Variants in KCNAB1 observed in about 807,000 individuals in gnomAD.
KCNAB1 encodes the protein potassium voltage-gated channel subfamily A regulatory beta subunit 1.
Under a neutral mutation model 64.6 loss-of-function variants are expected in KCNAB1, and 35 were observed. The observed-to-expected ratio is 0.54, with a 90% CI of 0.41 to 0.72. KCNAB1 has a LOEUF of 0.72. Among genes scored for constraint, KCNAB1 ranks in the 30% least tolerant of loss-of-function variants. KCNAB1 has a pLI of 0.00. For synonymous variants in KCNAB1, 177 were observed against 183.8 expected (o/e 0.96, Z 0.30); for missense variants, 401 against 512.9 (o/e 0.78, Z 2.11).
At chr3:156,246,634 C>CAA (rs11293726) in intron 1 of KCNAB1, among the ~76,000 whole-genome samples, 38 of 125,968 alleles carry the variant, frequency 3.0e-4, no homozygotes, top group Non-Finnish European at 4.4e-4. Context: ...AAAAAAGCAG[C>CAA]AAAAAAAAAA....
chr3:156,527,543 CTCTT>C lies in KCNAB1; in HGVS notation c.1081+3600_1081+3603del, dbSNP rs1462107220. Among the ~76,000 whole-genome samples the C allele has an allele frequency of 4.6e-5, 7 of 152,150 alleles. No homozygotes were observed. In the East Asian group the frequency reaches 1.2e-3, roughly 25 times the overall value. ...GCCCTGAAAGACAGGAAAGAACACT[CTCTT>C]TCTACAGAGGAAATCTTTACAAGAT... On this transcript the variant is annotated intron_variant, in intron 12 of 13. Transcript: ENST00000490337.
At chr3:156,142,926 G>T in intron 1 of KCNAB1, 1 of 1,082,462 alleles carries the variant, frequency 9.2e-7, no homozygotes, top group Non-Finnish European at 1.1e-6. Context: ...ACTTTAAAGG[G>T]ATGAGAAAAG....
intron 1 of KCNAB1, among the ~76,000 whole-genome samples, chr3:156,365,138 T>A (rs1277757552): frequency 6.6e-6 from 1 of 152,216 alleles, no homozygotes; most frequent in African/African-American, 2.4e-5. Flanking sequence ...GCTTAAGAGT[T>A]GGTCTTTGGA....
chr3:156,289,135 C>A (rs1313769369), intron 1 of KCNAB1, among the ~76,000 whole-genome samples: 1 of 152,232 alleles, frequency 6.6e-6, no homozygotes, highest in Admixed American at 6.5e-5. Flanking sequence ...AATTGCTCTG[C>A]TAGTTCTTGG....
intron 1 of KCNAB1, among the ~76,000 whole-genome samples, chr3:156,360,538 C>A (rs966930127): frequency 6.6e-6 from 1 of 152,006 alleles, no homozygotes; most frequent in Non-Finnish European, 1.5e-5. Flanking sequence ...GGCAAGACCC[C>A]CTTCTCTACA....
In KCNAB1 at chr3:156,452,911, C is replaced by T; in HGVS notation, c.332C>T (p.Thr111Ile). 1 of 1,602,780 alleles carries T rather than the reference C, an allele frequency of 6.2e-7. No individual in the cohort carries two copies. Among genetic ancestry groups the T allele is most frequent in the Non-Finnish European group, 8.5e-7 (1 of 1,171,792 alleles). The change falls in exon 3 of 14, where the codon ACA becomes ATA. Residue 111 changes from threonine (T) to isoleucine (I), a missense_variant. Thr to Ile is a moderately conservative substitution (Grantham distance 89). Coordinates refer to ENST00000490337, the MANE Select transcript of KCNAB1 (RefSeq NM_172160.3). This position sits in a 1 kb window ranked among gnomAD's most constrained non-coding sequence, Gnocchi z 4.6. ...VSCLGLGTWV[T>I]FGGQISDEVA... ...TATTATTTTCTAGGAACATGGGTGA[C>T]ATTTGGAGGTCAAATTTCAGATGAG... is the stretch of plus-strand genomic sequence containing the variant.
chr3:156,140,784 G>C (rs1390493517), intron 1 of KCNAB1, among the ~76,000 whole-genome samples: 3 of 152,238 alleles, frequency 2.0e-5, no homozygotes, highest in Admixed American at 1.3e-4. Context: ...TTAGAAGTGT[G>C]AAGTGAGGGC....
chr3:156,122,637 CA>C (rs1247485985), intron 1 of KCNAB1, among the ~76,000 whole-genome samples: 1 of 152,088 alleles, frequency 6.6e-6, no homozygotes, highest in Non-Finnish European at 1.5e-5. Flanking sequence ...TGTTATTAAT[CA>C]CTGATTGACA....
intron 1 of KCNAB1, among the ~76,000 whole-genome samples, chr3:156,161,207 A>G (rs1459609681): frequency 6.6e-6 from 1 of 152,108 alleles, no homozygotes. Context: ...TCTGCCCTTT[A>G]AGAGGTATTA....
intron 2 of KCNAB1, among the ~76,000 whole-genome samples, chr3:156,431,888 A>G (rs1716237347): frequency 6.6e-6 from 1 of 152,220 alleles, no homozygotes; most frequent in South Asian, 2.1e-4. Flanking sequence ...CAGAAGCTTC[A>G]TGCCTCACAT....
rs902917882 is a variant in KCNAB1 at position 156,375,392 on chromosome 3, T to G, written c.276-46224T>G. The stretch of plus-strand genomic sequence containing the variant: ...ATCTCCATTTGTTAGGTAAGGAAAT[T>G]GATGCTCCGAGAAGTTTAACGACAT... On this transcript the variant is annotated intron_variant, in intron 1 of 13. Transcript: ENST00000490337. Among the ~76,000 whole-genome samples, 23 of 135,064 alleles carry G rather than the reference T, an allele frequency of 1.7e-4. 7 individuals carry two copies. The highest frequency in any genetic ancestry group is 9.7e-4 in the Admixed American group (14 of 14,360). The allele number at this position is 135,064 out of a possible 152,430, so 88.6% of individuals were successfully genotyped here.
chr3:156,399,841 A>G (rs545905373), intron 1 of KCNAB1, among the ~76,000 whole-genome samples: 3 of 152,240 alleles, frequency 2.0e-5, no homozygotes, highest in Non-Finnish European at 4.4e-5. Context: ...ATAGCTTGCA[A>G]TCATCCACTT....
At chr3:156,480,171 CT>C (rs1214500143) in intron 8 of KCNAB1, among the ~76,000 whole-genome samples, 3 of 152,224 alleles carry the variant, frequency 2.0e-5, no homozygotes, top group Middle Eastern at 3.4e-3. Flanking sequence ...GGCCTTCTGC[CT>C]CTATCTTTTA....
At chr3:156,358,258 A>G (rs1371178391) in intron 1 of KCNAB1, among the ~76,000 whole-genome samples, 2 of 152,208 alleles carry the variant, frequency 1.3e-5, no homozygotes, top group African/African-American at 2.4e-5. Context: ...ATTACTTCGT[A>G]TCATCCCTCC....
intron 2 of KCNAB1, among the ~76,000 whole-genome samples, chr3:156,442,624 A>C (rs936617073): frequency 7.9e-5 from 12 of 152,224 alleles, no homozygotes; most frequent in African/African-American, 2.9e-4. Flanking sequence ...CAAGCTATGC[A>C]CAGGCATTAG....
At chr3:156,411,307 G>A (rs1714646605) in intron 1 of KCNAB1, among the ~76,000 whole-genome samples, 1 of 151,996 alleles carries the variant, frequency 6.6e-6, no homozygotes, top group Non-Finnish European at 1.5e-5. Context: ...CTTTCAGCAT[G>A]TAACATGTCT....
At chr3:156,134,475 T>A (rs1714188622) in intron 1 of KCNAB1, among the ~76,000 whole-genome samples, 1 of 152,242 alleles carries the variant, frequency 6.6e-6, no homozygotes, top group African/African-American at 2.4e-5. Context: ...ATTGAGGTAC[T>A]CAACCAGGAG....
chr3:156,139,096 T>C (rs1024885735), intron 1 of KCNAB1, among the ~76,000 whole-genome samples: 1 of 152,236 alleles, frequency 6.6e-6, no homozygotes, highest in African/African-American at 2.4e-5. Context: ...TTCTCAGCTG[T>C]TCAGAGGCAT....
At chr3:156,538,747 GAATA>G (rs1458539430), downstream of KCNAB1, 1 of 152,198 alleles carries the variant, frequency 6.6e-6, no homozygotes, top group African/African-American at 2.4e-5. Flanking sequence ...AAGCTGCACT[GAATA>G]CTCAACAGAA....
Sources: allele counts gnomAD v4.1 joint callset (sites outside exome capture counted in the v4.1 genomes callset), GRCh38; gene constraint gnomAD v4.1.1; non-coding constraint Gnocchi (gnomAD v3.1); transcripts MANE v1.5; gene names NCBI Gene and HGNC (gene_info 2026-07-23, HGNC 2026-07-21).